The following BMPR1A variants were observed in gnomAD, a reference collection of about 807,000 sequenced individuals.
BMPR1A encodes bone morphogenetic protein receptor type-1A.
BMPR1A carries 7 observed loss-of-function variants against 66.0 expected under a neutral mutation model. The ratio of observed to expected loss-of-function variants is 0.11; its 90% CI spans 0.06 to 0.20. BMPR1A has a LOEUF of 0.20. Ranked by LOEUF, BMPR1A falls within the 10% of genes least tolerant of loss-of-function variation. The pLI, the probability that BMPR1A is intolerant of heterozygous loss-of-function variation, is 1.00. For synonymous variants in BMPR1A, 200 were observed against 229.7 expected (o/e 0.87, Z 1.17); for missense variants, 408 against 669.1 (o/e 0.61, Z 4.31).
intron 1 of BMPR1A, among the ~76,000 whole-genome samples, chr10:86,810,459 A>G (rs544408534): frequency 9.1e-4 from 138 of 152,308 alleles, no homozygotes; most frequent in African/African-American, 3.3e-3. Flanking sequence ...GAATTACAGA[A>G]TCAACTCTGT....
At chr10:86,766,879 A>G (rs1042504732) in intron 1 of BMPR1A, among the ~76,000 whole-genome samples, 15 of 148,356 alleles carry the variant, frequency 1.0e-4, no homozygotes, top group African/African-American at 3.8e-4. Flanking sequence ...GCTGGAGTGC[A>G]GTGGTGCCAT....
chr10:86,835,204 C>G (rs376005503), intron 1 of BMPR1A, among the ~76,000 whole-genome samples: 1 of 147,730 alleles, frequency 6.8e-6, no homozygotes, highest in African/African-American at 2.5e-5. Context: ...CACTGCACTC[C>G]AGCCTGAGTG....
intron 3 of BMPR1A, among the ~76,000 whole-genome samples, chr10:86,877,085 T>C (rs1249627169): frequency 2.0e-5 from 3 of 152,212 alleles, no homozygotes; most frequent in Admixed American, 6.5e-5. Flanking sequence ...ACTGGATGTC[T>C]TCGTTCTCAA....
intron 5 of BMPR1A, among the ~76,000 whole-genome samples, chr10:86,898,677 T>C (rs752168791): frequency 3.3e-5 from 5 of 152,224 alleles, no homozygotes; most frequent in African/African-American, 4.8e-5. Context: ...AAACCCTTTC[T>C]TGGTTTTTCT....
intron 2 of BMPR1A, among the ~76,000 whole-genome samples, chr10:86,870,654 C>T (rs1278249975): frequency 3.9e-5 from 6 of 151,924 alleles, no homozygotes; most frequent in Admixed American, 6.6e-5. Context: ...TAACTCCAGA[C>T]CTCAAGTGAT....
chr10:86,839,147 A>G (rs1410911695), intron 2 of BMPR1A, among the ~76,000 whole-genome samples, 168 bp downstream of exon 2: 2 of 152,214 alleles, frequency 1.3e-5, no homozygotes. Context: ...TGACGAGTTC[A>G]TAAGTAATTC....
chr10:86,798,288 TC>T (rs1841754153), intron 1 of BMPR1A, among the ~76,000 whole-genome samples: 1 of 152,172 alleles, frequency 6.6e-6, no homozygotes, highest in Non-Finnish European at 1.5e-5. Context: ...CATCACAATT[TC>T]CATACTTAAA....
chr10:86,794,897 GATGGAGTGCA>G (rs1841683664), intron 1 of BMPR1A, among the ~76,000 whole-genome samples: 1 of 151,186 alleles, frequency 6.6e-6, no homozygotes, highest in Non-Finnish European at 1.5e-5. Flanking sequence ...TGTTTCCCAG[GATGGAGTGCA>G]ATGGTGCCAT....
intron 3 of BMPR1A, among the ~76,000 whole-genome samples, chr10:86,880,534 G>A (rs1285138905): frequency 6.6e-6 from 1 of 152,170 alleles, no homozygotes; most frequent in African/African-American, 2.4e-5. Context: ...GCTTAAAACA[G>A]TGGCTACCAC....
At position 86,923,802 on chromosome 10, in the gene BMPR1A, A is replaced by T. The variant is rs563960199; in HGVS notation, c.*83A>T. ...TGGGTGGAATTAGAGTGGAATAAGG[A>T]TGTTAACTTGGTTCTCAGACTCTTT... On this transcript the variant is annotated 3_prime_UTR_variant, in exon 13 of 13. Transcript: ENST00000372037. The T allele has an allele frequency of 7.6e-4, 1,174 of 1,552,478 alleles. 11 individuals are homozygous for T. The African/African-American group carries it at 0.014, about 19-fold the overall frequency.
chr10:86,906,351 C>T (rs907366079), intron 7 of BMPR1A, among the ~76,000 whole-genome samples: 16 of 152,122 alleles, frequency 1.1e-4, no homozygotes, highest in Admixed American at 7.2e-4. Flanking sequence ...CTTTGGGTTT[C>T]ACTGAGCTTA....
intron 2 of BMPR1A, among the ~76,000 whole-genome samples, chr10:86,861,651 C>T (rs1842715471): frequency 6.6e-6 from 1 of 152,204 alleles, no homozygotes; most frequent in African/African-American, 2.4e-5. Flanking sequence ...AAAAGCATAA[C>T]CCAAGCCATT....
At chr10:86,791,334 T>C (rs1335101017) in intron 1 of BMPR1A, among the ~76,000 whole-genome samples, 1 of 151,768 alleles carries the variant, frequency 6.6e-6, no homozygotes, top group African/African-American at 2.4e-5. Context: ...TGCCTCAGCC[T>C]CTTGAGTAGC....
At chr10:86,799,539 C>A (rs1400463774) in intron 1 of BMPR1A, among the ~76,000 whole-genome samples, 1 of 130,116 alleles carries the variant, frequency 7.7e-6, no homozygotes, top group Non-Finnish European at 1.6e-5. Flanking sequence ...TCTTTCTTTT[C>A]TTTCTTTCTT....
At chr10:86,823,971 A>G (rs927483115) in intron 1 of BMPR1A, among the ~76,000 whole-genome samples, 5 of 152,134 alleles carry the variant, frequency 3.3e-5, no homozygotes, top group African/African-American at 1.2e-4. Flanking sequence ...AAATTTGAAT[A>G]TCTTTATGTC....
At position 86,909,587 on chromosome 10, in the gene BMPR1A, A is replaced by C. The variant is rs1843446712; in HGVS notation, c.531-2653A>C. Among the ~76,000 whole-genome samples, 3 of 129,248 alleles carry C rather than the reference A, an allele frequency of 2.3e-5. No individual in the cohort carries two copies. The South Asian group carries it at 6.7e-4, about 29-fold the overall frequency. The allele number at this position is 129,248 out of a possible 152,430, so 84.8% of individuals were successfully genotyped here. A position where few individuals can be genotyped will look rare whatever the true frequency, so the allele number is the denominator to read the frequency against. On this transcript the variant is annotated intron_variant, in intron 7 of 12. Coordinates refer to ENST00000372037, the MANE Select transcript of BMPR1A (RefSeq NM_004329.3). ...GGCGACAAGAGTGAGACCCTATCTC[A>C]AAAAAAAAAAAGAAAAAAAAGAAAA...
At chr10:86,811,439 T>C (rs556518400) in intron 1 of BMPR1A, among the ~76,000 whole-genome samples, 2 of 152,356 alleles carry the variant, frequency 1.3e-5, no homozygotes, top group East Asian at 3.8e-4. Flanking sequence ...AAGTCTGTTT[T>C]AATGGATGGA....
Position 86,923,744 on chromosome 10 carries a change from T to G in BMPR1A, c.*25T>G. ...ATGGTTAAACCATCGGAGGAGAAAC[T>G]CTAGACTGCAAGAACTGTTTTTACC... On this transcript the variant is annotated 3_prime_UTR_variant, in exon 13 of 13. Coordinates refer to ENST00000372037, the MANE Select transcript of BMPR1A (RefSeq NM_004329.3). 6.2e-7 allele frequency: 1 copy of G among 1,611,996 alleles called. No homozygotes were observed. The highest frequency in any genetic ancestry group is 8.5e-7 in the Non-Finnish European group (1 of 1,179,676).
At chr10:86,883,724 C>T (rs975435729) in intron 3 of BMPR1A, among the ~76,000 whole-genome samples, 6 of 151,686 alleles carry the variant, frequency 4.0e-5, no homozygotes, top group African/African-American at 7.3e-5. Flanking sequence ...GAGTGGAGAT[C>T]GTGCCATTGT....
Sources: allele counts gnomAD v4.1 joint callset (sites outside exome capture counted in the v4.1 genomes callset), GRCh38; gene constraint gnomAD v4.1.1; transcripts MANE v1.5; gene names NCBI Gene and HGNC (gene_info 2026-07-23, HGNC 2026-07-21).